Variants in TBC1D1 observed in about 807,000 individuals in gnomAD.
TBC1D1 encodes TBC1 domain family member 1, also known as TBC1 (tre-2/USP6, BUB2, cdc16) domain family, member 1.
Under a neutral mutation model 125.6 loss-of-function variants are expected in TBC1D1, and 89 were observed. That is an observed-to-expected ratio of 0.71 (90% CI 0.60 to 0.85). The LOEUF (loss-of-function observed/expected upper bound fraction) is 0.85. Among genes scored for constraint, TBC1D1 ranks in the 40% least tolerant of loss-of-function variants. The pLI is 0.00. For missense variants in TBC1D1, 1,377 were observed against 1,469.2 expected (o/e 0.94, Z 1.03); for synonymous variants, 565 against 564.1 (o/e 1.00, Z -0.02).
At position 38,044,424 on chromosome 4, in the gene TBC1D1, G is replaced by T. The variant is rs201258145; in HGVS notation, c.1476G>T (p.Arg492Ser). 4.5e-5 allele frequency: 73 copies of T among 1,613,686 alleles called. No homozygotes were observed. Among genetic ancestry groups the T allele is most frequent in the Non-Finnish European group, 5.9e-5 (70 of 1,179,968 alleles). ...TACCACCCAGTGCCACTCGATTTAG[G>T]CTAGATATGCTGAAAAACAAAGCAA... The change falls in exon 9 of 20, where the codon AGG becomes AGT. Residue 492 changes from arginine (R) to serine (S), a missense_variant. Physicochemically the swap from Arg to Ser is moderately radical, Grantham distance 110. Around this residue, in one of 3 missense-constraint regions of TBC1D1, gnomAD observed 822 missense variants for 824.6 expected, o/e 1.00. Transcript: ENST00000261439.
At chr4:38,090,225 T>A in intron 13 of TBC1D1, 108 bp downstream of exon 15, 2 of 1,017,190 alleles carry the variant, frequency 2.0e-6, no homozygotes, top group Non-Finnish European at 1.5e-6. Context: ...CACGATAGTC[T>A]AATGTATACA....
chr4:38,059,544 G>T (rs942327712), intron 12 of TBC1D1, among the ~76,000 whole-genome samples: 1 of 148,250 alleles, frequency 6.7e-6, no homozygotes, highest in Admixed American at 6.7e-5. Context: ...TCTGGCTGCC[G>T]CAGAAACTAT....
intron 12 of TBC1D1, among the ~76,000 whole-genome samples, chr4:38,080,584 G>T (rs988566882): frequency 6.6e-5 from 10 of 152,198 alleles, no homozygotes; most frequent in African/African-American, 2.2e-4. Flanking sequence ...TCCCACACTT[G>T]CCAAGGTGGG....
At chr4:38,077,530 G>A (rs577394010) in intron 12 of TBC1D1, among the ~76,000 whole-genome samples, 1 of 151,320 alleles carries the variant, frequency 6.6e-6, no homozygotes, top group Non-Finnish European at 1.5e-5. Context: ...AATAAATATT[G>A]TTTAAGTACA....
At chr4:37,971,704 A>T (rs1369609478) in intron 2 of TBC1D1, among the ~76,000 whole-genome samples, 1 of 152,158 alleles carries the variant, frequency 6.6e-6, no homozygotes, top group African/African-American at 2.4e-5. Flanking sequence ...AAAGTAAAGG[A>T]TCTAAAACTG....
Position 38,068,802 on chromosome 4 carries a change from C to G in TBC1D1, c.2050+14464C>G, listed in dbSNP as rs534729371. Among the ~76,000 whole-genome samples the G allele has an allele frequency of 7.2e-5, 11 of 152,318 alleles. No homozygotes were observed. In the South Asian group the frequency reaches 2.1e-3, roughly 29 times the overall value. Reference sequence around the variant, plus strand: ...AGTGGCTACCATATTGAGAGCAGAGCTCTAGAACATTCCCTTATCCCAGAA... The same window carrying G: ...AGTGGCTACCATATTGAGAGCAGAGGTCTAGAACATTCCCTTATCCCAGAA... On this transcript the variant is annotated intron_variant, in intron 12 of 19. Transcript: ENST00000261439.
At chr4:38,025,377 C>T (rs956190084) in intron 6 of TBC1D1, among the ~76,000 whole-genome samples, 18 of 152,172 alleles carry the variant, frequency 1.2e-4, no homozygotes, top group African/African-American at 4.1e-4. Context: ...AGTGGGTGTA[C>T]AGAAACCACC....
At chr4:38,052,036 A>C (rs970222568) in intron 11 of TBC1D1, 7 of 1,551,116 alleles carry the variant, frequency 4.5e-6, no homozygotes, top group Middle Eastern at 1.7e-4. Flanking sequence ...AGTGGAGAAC[A>C]AAGTGGGAAT....
intron 8 of TBC1D1, among the ~76,000 whole-genome samples, chr4:38,037,038 C>A (rs1419142129): frequency 6.6e-6 from 1 of 151,994 alleles, no homozygotes; most frequent in Non-Finnish European, 1.5e-5. Context: ...TTCTGATTTT[C>A]TTTTATCTGA....
chr4:38,129,541 C>G lies in TBC1D1; in HGVS notation c.3133-3543C>G, dbSNP rs568080929. Among the ~76,000 whole-genome samples, 10 of 152,238 alleles carry G rather than the reference C, an allele frequency of 6.6e-5. No individual in the cohort carries two copies. The South Asian group carries it at 1.7e-3, about 25-fold the overall frequency. On this transcript the variant is annotated intron_variant, in intron 18 of 19. Coordinates refer to ENST00000261439, the MANE Select transcript of TBC1D1 (RefSeq NM_015173.4). ...TGTTGCTGATACCAGGCCGACTGTTCCCACTCTCCAGCCCTTGGTATGACA... is the reference window on the plus strand; with the variant it reads ...TGTTGCTGATACCAGGCCGACTGTTGCCACTCTCCAGCCCTTGGTATGACA...
chr4:37,950,887 T>C (rs1222482759), intron 2 of TBC1D1, among the ~76,000 whole-genome samples: 1 of 151,958 alleles, frequency 6.6e-6, no homozygotes, highest in African/African-American at 2.4e-5. Flanking sequence ...GCCTCCCAAG[T>C]AGCTGGGATT....
intron 2 of TBC1D1, among the ~76,000 whole-genome samples, chr4:37,956,895 C>T (rs181490202): frequency 4.1e-4 from 62 of 151,094 alleles, no homozygotes; most frequent in Middle Eastern, 6.8e-3. Flanking sequence ...GCAGAGATCG[C>T]GCCACCGCAC....
intron 2 of TBC1D1, among the ~76,000 whole-genome samples, chr4:37,923,378 A>C (rs539574103): frequency 6.6e-6 from 1 of 152,256 alleles, no homozygotes; most frequent in South Asian, 2.1e-4. Context: ...GGTTGGTTCC[A>C]AGTCTTTCTA....
intron 6 of TBC1D1, among the ~76,000 whole-genome samples, chr4:38,024,160 G>A (rs950082598): frequency 6.6e-6 from 1 of 152,222 alleles, no homozygotes; most frequent in Non-Finnish European, 1.5e-5. Context: ...ATATTCAACT[G>A]TGTTTTCCAC....
intron 2 of TBC1D1, among the ~76,000 whole-genome samples, chr4:37,944,565 C>T (rs1349310480): frequency 6.6e-6 from 1 of 152,202 alleles, no homozygotes; most frequent in Non-Finnish European, 1.5e-5. Flanking sequence ...TCACTGCCGC[C>T]TTGCAGTTCA....
intron 12 of TBC1D1, among the ~76,000 whole-genome samples, chr4:38,063,642 T>A (rs1753162034): frequency 6.6e-6 from 1 of 152,152 alleles, no homozygotes; most frequent in Admixed American, 6.5e-5. Flanking sequence ...TATTTTTTAT[T>A]TTTTGAGACG....
chr4:37,975,434 T>C (rs999109182), intron 2 of TBC1D1, among the ~76,000 whole-genome samples: 7 of 152,204 alleles, frequency 4.6e-5, no homozygotes, highest in African/African-American at 1.7e-4. Context: ...TCTGGATAAC[T>C]GCGGGCAGGC....
intron 2 of TBC1D1, among the ~76,000 whole-genome samples, chr4:38,012,150 ACTTG>A (rs773021544): frequency 3.9e-5 from 6 of 152,202 alleles, no homozygotes; most frequent in Non-Finnish European, 8.8e-5. Context: ...AATCTTACAC[ACTTG>A]CTTAGAAGAG....
intron 2 of TBC1D1, among the ~76,000 whole-genome samples, chr4:37,913,586 T>A (rs138666638): frequency 0.018 from 2,646 of 151,014 alleles, 80 homozygotes; most frequent in African/African-American, 0.061. Flanking sequence ...GCAACAAGAG[T>A]GAAACTCCAT....
Sources: allele counts gnomAD v4.1 joint callset (sites outside exome capture counted in the v4.1 genomes callset), GRCh38; gene constraint gnomAD v4.1.1; regional missense constraint gnomAD v4.1.1; transcripts MANE v1.5; gene names NCBI Gene and HGNC (gene_info 2026-07-23, HGNC 2026-07-21).